The following SEMA3A variants were observed in gnomAD, a reference collection of about 807,000 sequenced individuals.
The protein encoded by SEMA3A is semaphorin 3A, also known as semaphorin-3A.
In SEMA3A, 29 loss-of-function variants were observed where a neutral mutation model predicts 97.9. The observed-to-expected ratio is 0.30, with a 90% CI of 0.22 to 0.40. The LOEUF is 0.40. Ranked by LOEUF, SEMA3A falls within the 10% of genes least tolerant of loss-of-function variation. The probability of loss-of-function intolerance (pLI) is 1.00; values close to 1 mark genes in which losing one functional copy is unlikely to be tolerated. For synonymous variants in SEMA3A, 321 were observed against 323.7 expected (o/e 0.99, Z 0.09); for missense variants, 763 against 951.3 (o/e 0.80, Z 2.60).
At chr7:84,192,431 T>G (rs1374738791) in intron 1 of SEMA3A, among the ~76,000 whole-genome samples, 1 of 151,988 alleles carries the variant, frequency 6.6e-6, no homozygotes, top group Non-Finnish European at 1.5e-5. Flanking sequence ...GCTCTAGGTG[T>G]ATCAATGGGA....
rs369009617 is a variant in SEMA3A at position 84,135,684 on chromosome 7, C to T, written c.113-733G>A. ...AAAATAGGAATGTGGGGGAAACATCCGGTTTAACCTCTTAGGTTCCTTGAG... is the reference window on the plus strand; with the variant it reads ...AAAATAGGAATGTGGGGGAAACATCTGGTTTAACCTCTTAGGTTCCTTGAG... On this transcript the variant is annotated intron_variant, in intron 1 of 16. Coordinates refer to ENST00000265362, the MANE Select transcript of SEMA3A (RefSeq NM_006080.3). 3.8e-4 allele frequency among the ~76,000 whole-genome samples: 58 copies of T among 152,146 alleles called. 1 individual carries two copies. The East Asian group carries it at 6.2e-3, about 16-fold the overall frequency.
At chr7:84,479,309 T>C (rs552805987) in intron 1 of SEMA3A, among the ~76,000 whole-genome samples, 3 of 152,330 alleles carry the variant, frequency 2.0e-5, no homozygotes, top group African/African-American at 7.2e-5. Flanking sequence ...AAAGTCTTTA[T>C]GTCTATCAAT....
At chr7:84,337,227 T>C (rs1214361972) in intron 2 of SEMA3A, among the ~76,000 whole-genome samples, 1 of 152,300 alleles carries the variant, frequency 6.6e-6, no homozygotes, top group South Asian at 2.1e-4. Flanking sequence ...TCATTGTTAT[T>C]TTTATGCCAT....
chr7:84,011,130 G>C, intron 8 of SEMA3A, 39 bp from the exon 9 acceptor site: 1 of 1,602,808 alleles, frequency 6.2e-7, no homozygotes, highest in South Asian at 1.1e-5. Context: ...GCTTTTTTAT[G>C]GAATGGCAAA....
chr7:84,018,250 T>A (rs55721141), intron 6 of SEMA3A, among the ~76,000 whole-genome samples: 38,777 of 152,050 alleles, frequency 0.26, 5,799 homozygotes, highest in East Asian at 0.42. Context: ...CAGGGAAGAA[T>A]GATCTTTTCT....
At chr7:84,048,400 G>A (rs1052292877) in intron 5 of SEMA3A, among the ~76,000 whole-genome samples, 2 of 151,820 alleles carry the variant, frequency 1.3e-5, no homozygotes, top group Non-Finnish European at 2.9e-5. Flanking sequence ...CAATATTCAA[G>A]CACCATGACA....
chr7:84,110,699 T>TC, intron 3 of SEMA3A, 110 bp from the exon 4 acceptor site: 1 of 1,243,364 alleles, frequency 8.0e-7, no homozygotes, highest in South Asian at 1.7e-5. Context: ...CTTTCTTTTT[T>TC]TTTTTTTGGC....
intron 3 of SEMA3A, among the ~76,000 whole-genome samples, chr7:84,227,685 G>A (rs1025431022): frequency 1.3e-5 from 2 of 152,034 alleles, no homozygotes; most frequent in African/African-American, 4.8e-5. Context: ...GAGATTGGAG[G>A]TGTATTATTT....
intron 1 of SEMA3A, among the ~76,000 whole-genome samples, chr7:84,148,647 T>C (rs1025148569): frequency 6.6e-6 from 1 of 152,168 alleles, no homozygotes; most frequent in Non-Finnish European, 1.5e-5. Context: ...AAGTTGATCC[T>C]TGAACAACAT....
At chr7:84,476,851 A>G (rs965429717) in intron 1 of SEMA3A, among the ~76,000 whole-genome samples, 6 of 151,948 alleles carry the variant, frequency 3.9e-5, no homozygotes, top group African/African-American at 1.4e-4. Context: ...TATTTCTTGT[A>G]ACTTAGAGAC....
chr7:84,342,609 A>G (rs1398650737), intron 2 of SEMA3A, among the ~76,000 whole-genome samples: 2 of 152,154 alleles, frequency 1.3e-5, no homozygotes, highest in Non-Finnish European at 2.9e-5. Flanking sequence ...GTGTGTACAA[A>G]TTTTTCAATA....
intron 3 of SEMA3A, among the ~76,000 whole-genome samples, chr7:84,276,949 T>A (rs1034530696): frequency 6.6e-6 from 1 of 152,126 alleles, no homozygotes; most frequent in African/African-American, 2.4e-5. Context: ...ATTAACTAAA[T>A]GTAAAATAAT....
At chr7:84,264,490 G>T (rs145177269) in intron 3 of SEMA3A, among the ~76,000 whole-genome samples, 6 of 152,186 alleles carry the variant, frequency 3.9e-5, no homozygotes, top group African/African-American at 1.4e-4. Context: ...TAAATTCAGG[G>T]ATACCAGATA....
chr7:84,437,078 T>C (rs1805151998), intron 1 of SEMA3A, among the ~76,000 whole-genome samples: 1 of 152,102 alleles, frequency 6.6e-6, no homozygotes, highest in African/African-American at 2.4e-5. Flanking sequence ...GTATGTATTT[T>C]TGATGTATCA....
intron 3 of SEMA3A, among the ~76,000 whole-genome samples, chr7:84,240,453 AG>A (rs1279344266): frequency 6.6e-6 from 1 of 152,200 alleles, no homozygotes; most frequent in Non-Finnish European, 1.5e-5. Context: ...CAGAAGGCCA[AG>A]GCCATGGAAG....
intron 2 of SEMA3A, among the ~76,000 whole-genome samples, chr7:84,360,742 A>AT (rs773401396): frequency 1.9e-4 from 29 of 151,970 alleles, no homozygotes; most frequent in Non-Finnish European, 4.0e-4. Flanking sequence ...TAAACCATAC[A>AT]TTTTGGCCAG....
At chr7:84,438,966 C>A (rs1490767534) in intron 1 of SEMA3A, among the ~76,000 whole-genome samples, 2 of 151,780 alleles carry the variant, frequency 1.3e-5, no homozygotes, top group Non-Finnish European at 2.9e-5. Context: ...CTCAACTGTG[C>A]AAAAGAAACT....
intron 2 of SEMA3A, among the ~76,000 whole-genome samples, chr7:84,134,017 C>T (rs7778244): frequency 0.21 from 32,380 of 151,590 alleles, 3,550 homozygotes; most frequent in South Asian, 0.27. Context: ...GCCAAGATCG[C>T]GCCACTGCAC....
intron 1 of SEMA3A, among the ~76,000 whole-genome samples, chr7:84,491,977 G>C (rs1317219291): frequency 6.6e-6 from 1 of 152,106 alleles, no homozygotes; most frequent in African/African-American, 2.4e-5. Flanking sequence ...TCAAGCTATA[G>C]AACAGATTTG....
Sources: allele counts gnomAD v4.1 joint callset (sites outside exome capture counted in the v4.1 genomes callset), GRCh38; gene constraint gnomAD v4.1.1; transcripts MANE v1.5; gene names NCBI Gene and HGNC (gene_info 2026-07-23, HGNC 2026-07-21).